Variants in TSHZ2 observed in about 807,000 individuals in gnomAD.
TSHZ2 encodes teashirt homolog 2.
TSHZ2 carries 21 observed loss-of-function variants against 74.4 expected under a neutral mutation model. That is an observed-to-expected ratio of 0.28 (90% CI 0.20 to 0.41). The LOEUF is 0.41. Ranked by LOEUF, TSHZ2 falls within the 10% of genes least tolerant of loss-of-function variation. The probability of loss-of-function intolerance (pLI) is 1.00; values close to 1 mark genes in which losing one functional copy is unlikely to be tolerated. For missense variants in TSHZ2, 1,244 were observed against 1,293.5 expected (o/e 0.96, Z 0.59); for synonymous variants, 540 against 515.3 (o/e 1.05, Z -0.65).
At chr20:53,263,887 G>C in intron 2 of TSHZ2, among the ~76,000 whole-genome samples, 1 of 152,202 alleles carries the variant, frequency 6.6e-6, no homozygotes, top group East Asian at 1.9e-4. Flanking sequence ...TCAGAGGAGG[G>C]GGGCAGGCTG....
chr20:53,295,811 C>T (rs997146606), intron 2 of TSHZ2, among the ~76,000 whole-genome samples: 30 of 152,142 alleles, frequency 2.0e-4, no homozygotes, highest in Admixed American at 7.2e-4. Context: ...AAACCTTGAA[C>T]TTGAATTTGA....
At chr20:53,164,162 T>C (rs975111096) in intron 1 of TSHZ2, among the ~76,000 whole-genome samples, 2 of 152,100 alleles carry the variant, frequency 1.3e-5, no homozygotes, top group African/African-American at 4.8e-5. Flanking sequence ...TATCCTAAAA[T>C]AGATTGGAAT....
intron 1 of TSHZ2, among the ~76,000 whole-genome samples, chr20:53,216,429 A>G (rs1989435050): frequency 6.6e-6 from 1 of 152,236 alleles, no homozygotes; most frequent in Non-Finnish European, 1.5e-5. Context: ...ACAAGGAAAA[A>G]TAGGCCACAG....
intron 2 of TSHZ2, among the ~76,000 whole-genome samples, chr20:53,390,981 C>T (rs1424993487): frequency 1.3e-5 from 2 of 152,204 alleles, no homozygotes; most frequent in Admixed American, 6.5e-5. Flanking sequence ...CAATGTGAAG[C>T]AGCCATAGAT....
chr20:53,323,898 A>G (rs1979387024), intron 2 of TSHZ2, among the ~76,000 whole-genome samples: 2 of 151,954 alleles, frequency 1.3e-5, no homozygotes, highest in Admixed American at 6.6e-5. Flanking sequence ...GCTTTATTAC[A>G]TCCTCTTGAT....
intron 1 of TSHZ2, among the ~76,000 whole-genome samples, chr20:53,150,877 T>G (rs1416379180): frequency 6.6e-6 from 1 of 152,226 alleles, no homozygotes; most frequent in Non-Finnish European, 1.5e-5. Flanking sequence ...GGCTTAGGTA[T>G]ACTTACGTGG....
chr20:53,044,904 G>T (rs1285097647), intron 1 of TSHZ2, among the ~76,000 whole-genome samples: 10 of 152,032 alleles, frequency 6.6e-5, no homozygotes, highest in Non-Finnish European at 1.2e-4. Context: ...TAGAAACGGG[G>T]TCTCACTTTT....
At chr20:53,480,542 G>A (rs1459401023) in intron 2 of TSHZ2, among the ~76,000 whole-genome samples, 2 of 150,574 alleles carry the variant, frequency 1.3e-5, no homozygotes, top group Non-Finnish European at 3.0e-5. Context: ...ACTCCAGCCT[G>A]AATGACAGAG....
chr20:53,243,952 G>T (rs1013452), intron 1 of TSHZ2, among the ~76,000 whole-genome samples: 14,302 of 151,946 alleles, frequency 0.094, 751 homozygotes, highest in Middle Eastern at 0.13. Flanking sequence ...AAAAGGCAAT[G>T]AGAAGTGGTC....
chr20:53,463,417 A>G (rs1207776985), intron 2 of TSHZ2, among the ~76,000 whole-genome samples: 2 of 125,914 alleles, frequency 1.6e-5, no homozygotes, highest in Middle Eastern at 3.8e-3. Context: ...GAAGGAAGGA[A>G]GGAAGGAAGG....
rs1979179654 is a variant in TSHZ2 at position 53,319,869 on chromosome 20, T to G, written c.*8+63298T>G. Among the ~76,000 whole-genome samples, 5 of 152,358 alleles carry G rather than the reference T, an allele frequency of 3.3e-5. No homozygotes were observed. In the South Asian group the frequency reaches 1.0e-3, roughly 32 times the overall value. On this transcript the variant is annotated intron_variant, in intron 2 of 2. Coordinates refer to ENST00000371497, the MANE Select transcript of TSHZ2 (RefSeq NM_173485.6). ...ACAGGACAATTGCTTCTCTGCAGAATGTCACAGCTGAGAGAGAGACTGATT... is the reference window on the plus strand; with the variant it reads ...ACAGGACAATTGCTTCTCTGCAGAAGGTCACAGCTGAGAGAGAGACTGATT...
chr20:53,096,513 C>T (rs778475737), intron 1 of TSHZ2, among the ~76,000 whole-genome samples: 34 of 152,146 alleles, frequency 2.2e-4, no homozygotes, highest in Admixed American at 7.9e-4. Flanking sequence ...AAGGGGCAGG[C>T]GTGAGATGAT....
At position 53,285,969 on chromosome 20, in the gene TSHZ2, G is replaced by A. The variant is rs557954708; in HGVS notation, c.*8+29398G>A. Among the ~76,000 whole-genome samples, 3 of 151,804 alleles carry A rather than the reference G, an allele frequency of 2.0e-5. No individual in the cohort carries two copies. In the South Asian group the frequency reaches 6.2e-4, roughly 32 times the overall value. ...CCTCATGAAGCTTTGGGTATTTGGG[G>A]AAGGGAAAACAGAGGTTTTTTTTTA... On this transcript the variant is annotated intron_variant, in intron 2 of 2. Coordinates refer to ENST00000371497, the MANE Select transcript of TSHZ2 (RefSeq NM_173485.6).
At chr20:53,297,529 T>G (rs1311029546) in intron 2 of TSHZ2, among the ~76,000 whole-genome samples, 1 of 152,220 alleles carries the variant, frequency 6.6e-6, no homozygotes, top group African/African-American at 2.4e-5. Context: ...ATGCTGCGAT[T>G]ATAGGCATGA....
intron 2 of TSHZ2, among the ~76,000 whole-genome samples, chr20:53,275,882 G>A (rs368412669): frequency 5.1e-4 from 78 of 152,230 alleles, no homozygotes; most frequent in African/African-American, 1.8e-3. Context: ...AGCCGAGATC[G>A]CACCATTGCA....
chr20:53,480,013 G>A lies in TSHZ2; in HGVS notation c.*9-7131G>A, dbSNP rs189260285. 1.7e-3 allele frequency among the ~76,000 whole-genome samples: 257 copies of A among 151,950 alleles called. 2 individuals carry two copies. Among genetic ancestry groups the A allele is most frequent in the African/African-American group, 5.0e-3 (209 of 41,450 alleles). ...AATACTTTGGGAGGACGAGGCGGGA[G>A]GATCACTCGAGCCCAGGAGTTGAAG... On this transcript the variant is annotated intron_variant, in intron 2 of 2. Transcript: ENST00000371497.
intron 2 of TSHZ2, among the ~76,000 whole-genome samples, chr20:53,463,433 A>AGGAGGGAGGGAG (rs1349772075): frequency 1.1e-5 from 1 of 92,930 alleles, no homozygotes; most frequent in African/African-American, 4.3e-5. Flanking sequence ...GAAGGAAGGA[A>AGGAGGGAGGGAG]GGAGGGAGGG....
intron 1 of TSHZ2, among the ~76,000 whole-genome samples, chr20:53,045,426 C>T (rs1198524551): frequency 6.6e-6 from 1 of 152,226 alleles, no homozygotes; most frequent in Non-Finnish European, 1.5e-5. Context: ...ATCATGTGCA[C>T]ATCTGAATTC....
chr20:53,115,628 T>G (rs1013537521), intron 1 of TSHZ2, among the ~76,000 whole-genome samples: 8 of 151,936 alleles, frequency 5.3e-5, no homozygotes, highest in African/African-American at 1.7e-4. Flanking sequence ...AATAAGTAAA[T>G]AAATGACACA....
Sources: allele counts gnomAD v4.1 joint callset (sites outside exome capture counted in the v4.1 genomes callset), GRCh38; gene constraint gnomAD v4.1.1; transcripts MANE v1.5; gene names NCBI Gene and HGNC (gene_info 2026-07-23, HGNC 2026-07-21).